Variants in SLC35B3 observed in about 807,000 individuals in gnomAD.
SLC35B3 encodes solute carrier family 35 member B3, also known as adenosine 3'-phospho 5'-phosphosulfate transporter 2.
Under a neutral mutation model 44.1 loss-of-function variants are expected in SLC35B3, and 35 were observed. The ratio of observed to expected loss-of-function variants is 0.79; its 90% confidence interval spans 0.61 to 1.05. The LOEUF is 1.05. SLC35B3 is among the 50% of genes least tolerant of loss of function. The pLI, the probability that SLC35B3 is intolerant of heterozygous loss-of-function variation, is 0.00. For synonymous variants in SLC35B3, 146 were observed against 167.3 expected, an observed-to-expected ratio of 0.87 and a Z score of 0.98; for missense variants, 414 against 476.4, an observed-to-expected ratio of 0.87 and a Z score of 1.22.
At chr6:8,421,711 G>A (rs1050948485) in intron 5 of SLC35B3, among the ~76,000 whole-genome samples, 13 of 152,234 alleles carry the variant, frequency 8.5e-5, no homozygotes, top group African/African-American at 3.1e-4. Flanking sequence ...CATCACTAAA[G>A]CCAGCAGGTT....
chr6:8,435,041 G>T lies in SLC35B3; in HGVS notation c.-44+302C>A. ...TGACTGACAGTTCTCCAGAGACCCC[G>T]AGAACAGCGTAAAAGACCCCTTGAG... On this transcript the variant is annotated intron_variant, in intron 1 of 10. Transcript: ENST00000644923. The surrounding 1 kb of genome is among the most constrained non-coding windows in gnomAD (Gnocchi z 5.5). The T allele has an allele frequency of 8.5e-7, 1 of 1,173,936 alleles. No individual in the cohort carries two copies. Among genetic ancestry groups the T allele is most frequent in the Non-Finnish European group, 1.1e-6 (1 of 926,588 alleles). The allele number at this position is 1,173,936 out of a possible 1,614,324, so 72.7% of individuals were successfully genotyped here.
chr6:8,420,908 C>T lies in SLC35B3; in HGVS notation c.575-80G>A. The T allele has an allele frequency of 8.9e-7, 1 of 1,122,456 alleles. No individual in the cohort carries two copies. Among genetic ancestry groups the T allele is most frequent in the Non-Finnish European group, 1.3e-6 (1 of 782,116 alleles). The allele number at this position is 1,122,456 out of a possible 1,614,324, so 69.5% of individuals were successfully genotyped here. A position where few individuals can be genotyped will look rare whatever the true frequency, so the allele number is the denominator to read the frequency against. Reference sequence around the variant, plus strand: ...TATTTGCTCTATGTGTTAAGTAGAACATGGATTTGTTTTTTTATATCCAAT... The same window carrying T: ...TATTTGCTCTATGTGTTAAGTAGAATATGGATTTGTTTTTTTATATCCAAT... On this transcript the variant is annotated intron_variant, in intron 5 of 10. Coordinates refer to ENST00000644923, the MANE Select transcript of SLC35B3 (RefSeq NM_001370476.2). This position sits in a 1 kb window ranked among gnomAD's most constrained non-coding sequence, Gnocchi z 4.4.
intron 3 of SLC35B3, among the ~76,000 whole-genome samples, chr6:8,428,892 A>G (rs866184444): frequency 3.9e-5 from 6 of 152,144 alleles, no homozygotes; most frequent in Admixed American, 2.0e-4. Context: ...AAAATTTTTA[A>G]TTCATTTTTG....
Position 8,435,523 on chromosome 6 carries a change from C to T in SLC35B3, c.-224G>A. ...CGGAAAGCACTCTCAACTCCGGCGC[C>T]CGCAGGCCACTTCCGCCTATGTGTC... On this transcript the variant is annotated 5_prime_UTR_variant, in exon 1 of 11. Transcript: ENST00000644923. This position sits in a 1 kb window ranked among gnomAD's most constrained non-coding sequence, Gnocchi z 5.5. 2 of 522,156 alleles carry T rather than the reference C, an allele frequency of 3.8e-6. No homozygotes were observed. The allele number at this position is 522,156 out of a possible 1,614,324, so 32.3% of individuals were successfully genotyped here.
Position 8,417,498 on chromosome 6 carries a change from G to C in SLC35B3, c.781-4C>G, listed in dbSNP as rs917962360. 2 of 1,542,328 alleles carry C rather than the reference G, an allele frequency of 1.3e-6. No homozygotes were observed. Among genetic ancestry groups the C allele is most frequent in the Non-Finnish European group, 1.8e-6 (2 of 1,140,436 alleles). ...CAATTGAATACGAATACAATACCTAGAGCAGATAAAAATAAAGCAGAAAAA... is the reference window on the plus strand; with the variant it reads ...CAATTGAATACGAATACAATACCTACAGCAGATAAAAATAAAGCAGAAAAA... On this transcript the variant is annotated splice_region_variant and splice_polypyrimidine_tract_variant and intron_variant, in intron 7 of 10. Transcript: ENST00000644923.
rs1762137730 is a variant in SLC35B3, at chr6:8,413,483, CT to C, written c.*65del. ...CAGATCCTTTGGTTTTTATCAGTCC[CT>C]TTGGAAAGTTAATTAATTGATGATT... On this transcript the variant is annotated 3_prime_UTR_variant, in exon 11 of 11. Transcript: ENST00000644923. 1 of 1,424,126 alleles carries C rather than the reference CT, an allele frequency of 7.0e-7. No individual in the cohort carries two copies. Among genetic ancestry groups the C allele is most frequent in the Non-Finnish European group, 9.5e-7 (1 of 1,048,672 alleles). 88.2% of individuals were successfully genotyped at this position (1,424,126 alleles called of 1,614,324 possible).
At chr6:8,428,101 A>G in intron 3 of SLC35B3, 43 bp from the exon 3 acceptor site, 1 of 1,380,662 alleles carries the variant, frequency 7.2e-7, no homozygotes, top group East Asian at 2.7e-5. Context: ...AAGGCAGCAC[A>G]CTAATTTCCT....
At chr6:8,415,331 C>A (rs1042745304) in intron 9 of SLC35B3, among the ~76,000 whole-genome samples, 1 of 152,128 alleles carries the variant, frequency 6.6e-6, no homozygotes, top group African/African-American at 2.4e-5. Context: ...AGGGGTTATT[C>A]TTTAGAAACA....
Position 8,413,352 on chromosome 6 carries a change from C to T in SLC35B3, c.*197G>A, listed in dbSNP as rs915548359. On this transcript the variant is annotated 3_prime_UTR_variant, in exon 11 of 11. Coordinates refer to ENST00000644923, the MANE Select transcript of SLC35B3 (RefSeq NM_001370476.2). Reference sequence around the variant, plus strand: ...ATTGTAAAGTCTGCTAGACGTGGCTCTCTTGATTGCTTTGGAAGTCAGTCA... The same window carrying T: ...ATTGTAAAGTCTGCTAGACGTGGCTTTCTTGATTGCTTTGGAAGTCAGTCA... The T allele has an allele frequency of 2.1e-6, 1 of 484,248 alleles. No individual in the cohort carries two copies. Among genetic ancestry groups the T allele is most frequent in the Non-Finnish European group, 3.6e-6 (1 of 277,862 alleles). The allele number at this position is 484,248 out of a possible 1,614,324, so 30.0% of individuals were successfully genotyped here.
At position 8,414,984 on chromosome 6, in the gene SLC35B3, G is replaced by A. The variant is rs1762288161; in HGVS notation, c.986-7C>T. On this transcript the variant is annotated splice_polypyrimidine_tract_variant and splice_region_variant and intron_variant, in intron 9 of 10. Transcript: ENST00000644923. ...GCTTTTCTTCCTGTTGTCACTGTAG[G>A]AGCAAAAAATTAGTTTAGAATGTGC... 6.3e-7 allele frequency: 1 copy of A among 1,593,792 alleles called. No individual in the cohort carries two copies. The highest frequency in any genetic ancestry group is 8.6e-7 in the Non-Finnish European group (1 of 1,165,558).
In SLC35B3 at chr6:8,429,977, CTGACTTGATGTG is replaced by C. The variant is rs757610141; in HGVS notation, c.172_183del (p.His58_Ser61del). 5.6e-6 allele frequency: 9 copies of C among 1,613,398 alleles called. No individual in the cohort carries two copies. The highest frequency in any genetic ancestry group is 1.3e-5 in the African/African-American group (1 of 75,036). On this transcript the variant is annotated inframe_deletion, in exon 3 of 11. Coordinates refer to ENST00000644923, the MANE Select transcript of SLC35B3 (RefSeq NM_001370476.2). ...ATGCCAAGTACCACAACGTCGTCAA[CTGACTTGATGTG>C]TGGTGACATTGTTTGGGTTTTGGAT...
Position 8,413,229 on chromosome 6 carries a change from G to T in SLC35B3, c.*320C>A. On this transcript the variant is annotated 3_prime_UTR_variant, in exon 11 of 11. Coordinates refer to ENST00000644923, the MANE Select transcript of SLC35B3 (RefSeq NM_001370476.2). Reference sequence around the variant, plus strand: ...TATTACGTATCGATTTCTTTGATAGGATATAATTATAGCCAATTAGTCTTG... The same window carrying T: ...TATTACGTATCGATTTCTTTGATAGTATATAATTATAGCCAATTAGTCTTG... The T allele has an allele frequency of 4.4e-6, 1 of 227,592 alleles. No individual in the cohort carries two copies. Among genetic ancestry groups the T allele is most frequent in the South Asian group, 8.5e-5 (1 of 11,782 alleles). 14.1% of individuals were successfully genotyped at this position (227,592 alleles called of 1,614,324 possible).
rs1764071360 is a variant in SLC35B3, at chr6:8,432,329, A to G, written c.3+2056T>C. 6.6e-6 allele frequency among the ~76,000 whole-genome samples: 1 copy of G among 151,882 alleles called. No individual in the cohort carries two copies. Among genetic ancestry groups the G allele is most frequent in the Non-Finnish European group, 1.5e-5 (1 of 68,016 alleles). ...AAATAATGCTTACATATTTACACAT[A>G]CATACAGAATAAATAAAACTTCTAG... On this transcript the variant is annotated intron_variant, in intron 2 of 10. Coordinates refer to ENST00000644923, the MANE Select transcript of SLC35B3 (RefSeq NM_001370476.2). The surrounding 1 kb of genome is among the most constrained non-coding windows in gnomAD (Gnocchi z 4.8).
At chr6:8,415,787 T>C (rs1762363464) in intron 9 of SLC35B3, among the ~76,000 whole-genome samples, 1 of 152,190 alleles carries the variant, frequency 6.6e-6, no homozygotes, top group South Asian at 2.1e-4. Flanking sequence ...GTTGGGTATA[T>C]GTTCCCTCTT....
intron 4 of SLC35B3, among the ~76,000 whole-genome samples, chr6:8,425,983 T>C (rs1447477335): frequency 1.3e-5 from 2 of 152,204 alleles, no homozygotes; most frequent in Non-Finnish European, 2.9e-5. Context: ...TGAAATGATA[T>C]TGTCAAACAA....
rs570205957 is a variant in SLC35B3, at chr6:8,434,491, A to C, written c.-43-61T>G. ...TTCCATCTCATTTCTTTGTACACAC[A>C]TCATTACACAAAGGTGGAGAAACCC... On this transcript the variant is annotated intron_variant, in intron 1 of 10. Coordinates refer to ENST00000644923, the MANE Select transcript of SLC35B3 (RefSeq NM_001370476.2). This position sits in a 1 kb window ranked among gnomAD's most constrained non-coding sequence, Gnocchi z 6.3. The C allele has an allele frequency of 5.9e-5, 83 of 1,413,684 alleles. No homozygotes were observed. The African/African-American group carries it at 1.1e-3, about 18-fold the overall frequency. The allele number at this position is 1,413,684 out of a possible 1,614,324, so 87.6% of individuals were successfully genotyped here.
At chr6:8,428,094 G>A in intron 3 of SLC35B3, 36 bp from the exon 3 acceptor site, 14 of 1,400,268 alleles carry the variant, frequency 1.0e-5, no homozygotes, top group South Asian at 1.9e-5. Flanking sequence ...TAAGTCCAAG[G>A]CAGCACACTA....
Position 8,434,344 on chromosome 6 carries a change from A to T in SLC35B3, c.3+41T>A. 6.3e-7 allele frequency: 1 copy of T among 1,592,070 alleles called. No homozygotes were observed. The highest frequency in any genetic ancestry group is 8.6e-7 in the Non-Finnish European group (1 of 1,161,374). ...AACCTGAAAAAACGTGATTTTAACT[A>T]TACTTTGCCACACTCAACGTTACAA... On this transcript the variant is annotated intron_variant, in intron 2 of 10. Transcript: ENST00000644923. This position sits in a 1 kb window ranked among gnomAD's most constrained non-coding sequence, Gnocchi z 6.3.
In SLC35B3 at chr6:8,435,086, T is replaced by A; in HGVS notation, c.-44+257A>T. 2 of 1,217,620 alleles carry A rather than the reference T, an allele frequency of 1.6e-6. No homozygotes were observed. The highest frequency in any genetic ancestry group is 2.1e-6 in the Non-Finnish European group (2 of 955,934). 75.4% of individuals were successfully genotyped at this position (1,217,620 alleles called of 1,614,324 possible). On this transcript the variant is annotated intron_variant, in intron 1 of 10. Coordinates refer to ENST00000644923, the MANE Select transcript of SLC35B3 (RefSeq NM_001370476.2). The surrounding 1 kb of genome is among the most constrained non-coding windows in gnomAD (Gnocchi z 5.5). ...CTTGAGGTCACCTCACCCCTGCGAG[T>A]CCACGGATTGGGACCTGAGGGAGTT... is the stretch of plus-strand genomic sequence containing the variant.
Sources: allele counts gnomAD v4.1 joint callset (sites outside exome capture counted in the v4.1 genomes callset), GRCh38; gene constraint gnomAD v4.1.1; non-coding constraint Gnocchi (gnomAD v3.1); transcripts MANE v1.5; gene names NCBI Gene and HGNC (gene_info 2026-07-23, HGNC 2026-07-21).